The following LLGL2 variants were observed in gnomAD, a reference collection of about 807,000 sequenced individuals.
LLGL2 encodes LLGL2, scribble cell polarity complex component.
In LLGL2, 81 loss-of-function variants were observed where a neutral mutation model predicts 123.2. The ratio of observed to expected loss-of-function variants is 0.66; its 90% CI spans 0.55 to 0.79. The LOEUF is 0.79. Among genes scored for constraint, LLGL2 ranks in the 30% least tolerant of loss-of-function variants. The probability of loss-of-function intolerance (pLI) is 0.00; values close to 1 mark genes in which losing one functional copy is unlikely to be tolerated. For missense variants in LLGL2, 1,273 were observed against 1,414.6 expected (o/e 0.90, Z 1.61); for synonymous variants, 577 against 594.1 (o/e 0.97, Z 0.42).
intron 7 of LLGL2, 49 bp from the exon 8 acceptor site, chr17:75,563,282 C>G (rs77340657): frequency 6.2e-7 from 1 of 1,603,724 alleles, no homozygotes; most frequent in Non-Finnish European, 8.5e-7. Flanking sequence ...ATGGGAACGC[C>G]GCCTCGGTCC....
chr17:75,539,901 G>A (rs1375857384), intron 1 of LLGL2, among the ~76,000 whole-genome samples: 1 of 152,114 alleles, frequency 6.6e-6, no homozygotes, highest in East Asian at 1.9e-4. Flanking sequence ...GAGTTACTGC[G>A]GCTGGTTGGA....
At chr17:75,538,657 G>T (rs948041032) in intron 1 of LLGL2, 1 of 152,200 alleles carries the variant, frequency 6.6e-6, no homozygotes, top group Non-Finnish European at 1.5e-5. Flanking sequence ...AGATTAATAA[G>T]TAAGCTATTC....
chr17:75,560,216 T>C (rs2055138678), intron 6 of LLGL2, among the ~76,000 whole-genome samples: 2 of 152,214 alleles, frequency 1.3e-5, no homozygotes, highest in Admixed American at 1.3e-4. Flanking sequence ...CTTGGAGCTG[T>C]GTCCCTCTGA....
chr17:75,574,022 C>G, intron 22 of LLGL2, 42 bp downstream of exon 22: 2 of 1,550,246 alleles, frequency 1.3e-6, no homozygotes, highest in Non-Finnish European at 1.7e-6. Context: ...TGGGCCACAC[C>G]CGGCCCAGAC....
rs199621552 is a variant in LLGL2, at chr17:75,550,829, AC to A, written c.76-5216del. 3.9e-3 allele frequency among the ~76,000 whole-genome samples: 587 copies of A among 150,288 alleles called. 27 individuals carry two copies. In the East Asian group the frequency reaches 0.062, roughly 16 times the overall value. ...ACACACACACACAAACTAGGGGGCA[AC>A]TGGGGCACAGCCAGAGGTGCCCATG... On this transcript the variant is annotated intron_variant, in intron 2 of 25. Coordinates refer to ENST00000392550, the MANE Select transcript of LLGL2 (RefSeq NM_001031803.2).
rs2055106260 is a variant in LLGL2 at position 75,559,595 on chromosome 17, A to G, written c.530+185A>G. Among the ~76,000 whole-genome samples the G allele has an allele frequency of 6.6e-6, 1 of 152,234 alleles. No homozygotes were observed. Among genetic ancestry groups the G allele is most frequent in the Non-Finnish European group, 1.5e-5 (1 of 68,042 alleles). On this transcript the variant is annotated intron_variant, in intron 6 of 25. Transcript: ENST00000392550. The surrounding 1 kb of genome is among the most constrained non-coding windows in gnomAD (Gnocchi z 4.6). Reference sequence around the variant, plus strand: ...AGAACCTATTGGCCTGTCATAGGTTAGCATCATAGCACTAAAAAGGGGGCT... The same window carrying G: ...AGAACCTATTGGCCTGTCATAGGTTGGCATCATAGCACTAAAAAGGGGGCT...
At chr17:75,570,815 C>T in intron 16 of LLGL2, 135 bp from the exon 17 acceptor site, 1 of 1,188,656 alleles carries the variant, frequency 8.4e-7, no homozygotes, top group South Asian at 1.5e-5. Flanking sequence ...GACAAGGGTC[C>T]CTCTAGACGC....
intron 2 of LLGL2, among the ~76,000 whole-genome samples, chr17:75,551,376 C>T (rs994127844): frequency 1.3e-5 from 2 of 151,980 alleles, no homozygotes; most frequent in Non-Finnish European, 2.9e-5. Flanking sequence ...TCAGGGAGGC[C>T]CAGCAGCTCA....
Position 75,559,323 on chromosome 17 carries a change from C to G in LLGL2, c.443C>G (p.Thr148Ser). 1 of 1,613,628 alleles carries G rather than the reference C, an allele frequency of 6.2e-7. No individual in the cohort carries two copies. Among genetic ancestry groups the G allele is most frequent in the South Asian group, 1.1e-5 (1 of 91,076 alleles). The change falls in exon 6 of 26, where the codon ACC becomes AGC. Residue 148 changes from threonine (T) to serine (S), a missense_variant. Coordinates refer to ENST00000392550, the MANE Select transcript of LLGL2 (RefSeq NM_001031803.2). This position sits in a 1 kb window ranked among gnomAD's most constrained non-coding sequence, Gnocchi z 4.6. ...TCCTGCGAGCTGCTCTACCTGGGCACCGAGAGTGGCAACGTGTTTGTGGTG... is the reference window on the plus strand; with the variant it reads ...TCCTGCGAGCTGCTCTACCTGGGCAGCGAGAGTGGCAACGTGTTTGTGGTG... ...HSSCELLYLGTESGNVFVVQL... is the reference protein window; with the variant it reads ...HSSCELLYLGSESGNVFVVQL...
At chr17:75,546,404 C>G (rs1474519001) in intron 2 of LLGL2, 1 of 158,394 alleles carries the variant, frequency 6.3e-6, no homozygotes, top group East Asian at 1.8e-4. Flanking sequence ...ATAATCAGAG[C>G]CACTCCATCC....
chr17:75,562,729 C>T (rs999489605), intron 6 of LLGL2: 4 of 415,884 alleles, frequency 9.6e-6, no homozygotes, highest in African/African-American at 6.0e-5. Context: ...CCACCACGCC[C>T]AGCTAATGTT....
At chr17:75,571,485 G>A in intron 17 of LLGL2, 182 bp from the exon 18 acceptor site, 1 of 602,950 alleles carries the variant, frequency 1.7e-6, no homozygotes, top group East Asian at 2.8e-5. Flanking sequence ...GTTCTCCCCT[G>A]CTGTATCACA....
Position 75,568,628 on chromosome 17 carries a change from C to A in LLGL2, c.1189C>A (p.Pro397Thr). The change falls in exon 11 of 26, where the codon CCG becomes ACG. Residue 397 changes from proline (P) to threonine (T), a missense_variant. Coordinates refer to ENST00000392550, the MANE Select transcript of LLGL2 (RefSeq NM_001031803.2). Reference protein sequence around the residue: ...ITCSHHVSNIPLKLWERIIAA... With the variant: ...ITCSHHVSNITLKLWERIIAA... ...CTGCTCTCACCACGTCTCCAACATC[C>A]CGCTGAAGCTGTGGGAGCGGATCAT... The A allele has an allele frequency of 6.2e-7, 1 of 1,613,910 alleles. No individual in the cohort carries two copies. The highest frequency in any genetic ancestry group is 1.1e-5 in the South Asian group (1 of 91,076).
chr17:75,560,796 AT>A (rs2055169520), intron 6 of LLGL2, among the ~76,000 whole-genome samples: 7 of 54,534 alleles, frequency 1.3e-4, no homozygotes, highest in Admixed American at 2.5e-4. Context: ...CAGTTTGTTT[AT>A]TTATTAAAAA....
intron 6 of LLGL2, among the ~76,000 whole-genome samples, chr17:75,560,818 A>C (rs1307779059): frequency 2.7e-5 from 3 of 112,484 alleles, no homozygotes; most frequent in East Asian, 2.1e-4. Flanking sequence ...AAAAAAAAAA[A>C]AAAAAAAAAA....
intron 17 of LLGL2, chr17:75,571,426 G>C: frequency 1.7e-6 from 1 of 586,988 alleles, no homozygotes; most frequent in African/African-American, 1.9e-5. Flanking sequence ...GTGACGATCG[G>C]GGACAGCAGA....
chr17:75,568,668 G>A lies in LLGL2; in HGVS notation c.1229G>A (p.Arg410Gln), dbSNP rs750241847. The A allele has an allele frequency of 9.5e-5, 154 of 1,613,588 alleles. 1 individual carries two copies. The South Asian group carries it at 1.2e-3, about 13-fold the overall frequency. ...LWERIIAAGS[R>Q]QNAHFSTMEW... ...GAGCGGATCATTGCCGCCGGCAGCC[G>A]GCAGAACGCACACTTCTCCACCATG... The change falls in exon 11 of 26, where the codon CGG (arginine) becomes CAG (glutamine). Residue 410 changes from arginine to glutamine, a missense_variant. Coordinates refer to ENST00000392550, the MANE Select transcript of LLGL2 (RefSeq NM_001031803.2).
At chr17:75,565,726 C>T (rs938707855) in intron 10 of LLGL2, among the ~76,000 whole-genome samples, 9 of 152,216 alleles carry the variant, frequency 5.9e-5, no homozygotes, top group Non-Finnish European at 8.8e-5. Flanking sequence ...TCCCCAACTC[C>T]CCGCAGTCCC....
rs1422290328 is a variant in LLGL2 at position 75,559,956 on chromosome 17, G to C, written c.530+546G>C. On this transcript the variant is annotated intron_variant, in intron 6 of 25. Transcript: ENST00000392550. This position sits in a 1 kb window ranked among gnomAD's most constrained non-coding sequence, Gnocchi z 4.6. ...TCAGGTCCGGGTGGGAGAAGGGGAC[G>C]GGGCCCAAAAAAAGAGAGGAGATAG... 1.3e-5 allele frequency among the ~76,000 whole-genome samples: 2 copies of C among 152,070 alleles called. No individual in the cohort carries two copies. The highest frequency in any genetic ancestry group is 2.9e-5 in the Non-Finnish European group (2 of 67,994).
Sources: allele counts gnomAD v4.1 joint callset (sites outside exome capture counted in the v4.1 genomes callset), GRCh38; gene constraint gnomAD v4.1.1; non-coding constraint Gnocchi (gnomAD v3.1); transcripts MANE v1.5; gene names NCBI Gene and HGNC (gene_info 2026-07-23, HGNC 2026-07-21).